PHF24: variants seen among roughly 807,000 people sequenced by gnomAD.
PHF24 encodes Galpha inhibitory interacting protein.
PHF24 carries 25 observed loss-of-function variants against 42.6 expected under a neutral mutation model. That is an observed-to-expected ratio of 0.59 (90% CI 0.43 to 0.82). PHF24 has a LOEUF of 0.82. PHF24 is among the 40% of genes least tolerant of loss of function. The pLI, the probability that PHF24 is intolerant of heterozygous loss-of-function variation, is 0.00. For synonymous variants in PHF24, 185 were observed against 204.8 expected, an observed-to-expected ratio of 0.90 and a Z score of 0.83; for missense variants, 470 against 538.1, an observed-to-expected ratio of 0.87 and a Z score of 1.25.
At chr9:34,669,976 G>C in the PHF24 span, among the ~76,000 whole-genome samples, 2 of 152,164 alleles carry the variant, frequency 1.3e-5, no homozygotes, top group South Asian at 4.2e-4. Context: ...TTGAATTCAG[G>C]TATGTGGCCA....
At chr9:34,723,066 T>C in the PHF24 span, 2 of 774,246 alleles carry the variant, frequency 2.6e-6, no homozygotes, top group South Asian at 3.9e-5. Context: ...CTGAGAAATA[T>C]AGAGTGTATT....
chr9:34,764,647 C>T, the PHF24 span, among the ~76,000 whole-genome samples: 1 of 152,090 alleles, frequency 6.6e-6, no homozygotes, highest in Non-Finnish European at 1.5e-5. Context: ...TTCAAAAAAC[C>T]AGCTCCTGGA....
the PHF24 span, among the ~76,000 whole-genome samples, chr9:34,936,462 C>T: frequency 3.8e-4 from 58 of 152,140 alleles, no homozygotes; most frequent in African/African-American, 1.3e-3. Context: ...CCCAAAATGC[C>T]GAGATTGCAG....
chr9:34,680,179 A>G, the PHF24 span, among the ~76,000 whole-genome samples: 2 of 152,200 alleles, frequency 1.3e-5, no homozygotes, highest in Admixed American at 1.3e-4. Context: ...GTTTGAGACC[A>G]GCCTGGCCAA....
chr9:34,948,543 C>T, the PHF24 span, among the ~76,000 whole-genome samples: 1 of 152,110 alleles, frequency 6.6e-6, no homozygotes, highest in Non-Finnish European at 1.5e-5. Context: ...TTTAGATACA[C>T]AAATACCATT....
the PHF24 span, among the ~76,000 whole-genome samples, chr9:34,763,960 T>C: frequency 1.3e-5 from 2 of 152,006 alleles, no homozygotes; most frequent in Non-Finnish European, 2.9e-5. Context: ...GATAATCATG[T>C]GGTTTTTGTC....
the PHF24 span, chr9:34,709,003 A>C: frequency 1.4e-5 from 3 of 222,208 alleles, no homozygotes; most frequent in Non-Finnish European, 8.7e-6. Flanking sequence ...GGGAACAGGT[A>C]CTTGGGTGGG....
chr9:34,884,452 A>T, the PHF24 span, among the ~76,000 whole-genome samples: 2 of 152,210 alleles, frequency 1.3e-5, no homozygotes, highest in African/African-American at 2.4e-5. Context: ...GTGTTCATAC[A>T]TTATTAACGT....
chr9:34,910,099 C>G, the PHF24 span, among the ~76,000 whole-genome samples: 1 of 152,184 alleles, frequency 6.6e-6, no homozygotes, highest in Non-Finnish European at 1.5e-5. Flanking sequence ...CTGTTTCAAC[C>G]AGCCATAATA....
chr9:34,703,395 C>T, the PHF24 span, among the ~76,000 whole-genome samples: 1 of 152,186 alleles, frequency 6.6e-6, no homozygotes, highest in South Asian at 2.1e-4. Context: ...TTTCGAACAC[C>T]TGACCTCAGG....
At chr9:34,727,867 C>T in the PHF24 span, among the ~76,000 whole-genome samples, 1 of 152,216 alleles carries the variant, frequency 6.6e-6, no homozygotes, top group Non-Finnish European at 1.5e-5. Flanking sequence ...GAACCCCACT[C>T]TTCCCTGGCA....
the PHF24 span, among the ~76,000 whole-genome samples, chr9:34,699,041 A>C: frequency 3.3e-5 from 5 of 152,280 alleles, no homozygotes; most frequent in African/African-American, 9.6e-5. Context: ...ATTATAGTTC[A>C]TCCAGTGACA....
chr9:34,878,328 A>G, the PHF24 span, among the ~76,000 whole-genome samples: 34 of 152,266 alleles, frequency 2.2e-4, no homozygotes, highest in African/African-American at 8.2e-4. Flanking sequence ...TGATTTCTGC[A>G]TTTCCAACTG....
At chr9:34,845,125 A>G in the PHF24 span, among the ~76,000 whole-genome samples, 1 of 152,278 alleles carries the variant, frequency 6.6e-6, no homozygotes, top group Non-Finnish European at 1.5e-5. Flanking sequence ...AGTCTATTTT[A>G]TCTGAGTATA....
At chr9:34,710,140 T>TG in the PHF24 span, 2 of 1,251,906 alleles carry the variant, frequency 1.6e-6, no homozygotes, top group South Asian at 2.5e-5. Context: ...GGTCTGTGCG[T>TG]GGGCTGGGAT....
chr9:34,877,777 C>G, the PHF24 span, among the ~76,000 whole-genome samples: 1 of 151,734 alleles, frequency 6.6e-6, no homozygotes, highest in Admixed American at 6.6e-5. Context: ...GCAGAATGTG[C>G]AGTTTTGTTA....
chr9:34,810,058 G>A, the PHF24 span, among the ~76,000 whole-genome samples: 3 of 151,818 alleles, frequency 2.0e-5, no homozygotes, highest in African/African-American at 7.2e-5. Flanking sequence ...AGCTCAGCCA[G>A]CGCTGCATGC....
At chr9:34,976,866 G>A in intron 5 of PHF24, 126 bp downstream of exon 5, 1 of 927,020 alleles carries the variant, frequency 1.1e-6, no homozygotes, top group Non-Finnish European at 1.6e-6. Context: ...ATGGGCTCAG[G>A]TTCCATCCAG....
At chr9:34,815,992 C>A in the PHF24 span, among the ~76,000 whole-genome samples, 1 of 152,010 alleles carries the variant, frequency 6.6e-6, no homozygotes, top group Non-Finnish European at 1.5e-5. Flanking sequence ...TGAGTTTTGC[C>A]TTTCATAGTC....
Sources: allele counts gnomAD v4.1 joint callset (sites outside exome capture counted in the v4.1 genomes callset), GRCh38; gene constraint gnomAD v4.1.1; transcripts MANE v1.5; gene names NCBI Gene and HGNC (gene_info 2026-07-23, HGNC 2026-07-21).